The following NRG2 variants were observed in gnomAD, a reference collection of about 807,000 sequenced individuals.
NRG2 encodes the protein pro-neuregulin-2, membrane-bound isoform.
A neutral mutation model predicts 73.9 loss-of-function variants in NRG2; 27 were observed. That is an observed-to-expected ratio of 0.37 (90% confidence interval 0.27 to 0.50). The LOEUF is 0.50. NRG2 is among the 20% of genes least tolerant of loss of function. The pLI is 0.96. For missense variants in NRG2, 1,126 were observed against 1,210.1 expected, an observed-to-expected ratio of 0.93 and a Z score of 1.03; for synonymous variants, 532 against 541.0, an observed-to-expected ratio of 0.98 and a Z score of 0.23.
chr5:140,014,887 T>C (rs1759649211), intron 1 of NRG2, among the ~76,000 whole-genome samples: 1 of 152,230 alleles, frequency 6.6e-6, no homozygotes, highest in Non-Finnish European at 1.5e-5. Flanking sequence ...CAAGGCCCTA[T>C]TTGATCTGGC....
chr5:139,903,034 A>G (rs544299116), intron 1 of NRG2, among the ~76,000 whole-genome samples: 20 of 152,354 alleles, frequency 1.3e-4, no homozygotes, highest in Admixed American at 4.6e-4. Flanking sequence ...GCTCTTCCCA[A>G]TAGAGACCTC....
chr5:139,968,651 G>C (rs1159102457), intron 1 of NRG2, among the ~76,000 whole-genome samples: 1 of 152,202 alleles, frequency 6.6e-6, no homozygotes, highest in African/African-American at 2.4e-5. Context: ...GGAGCTCTCC[G>C]TTCGGCGGCC....
At chr5:139,926,584 G>C (rs1752078212) in intron 1 of NRG2, among the ~76,000 whole-genome samples, 1 of 152,106 alleles carries the variant, frequency 6.6e-6, no homozygotes, top group Non-Finnish European at 1.5e-5. Flanking sequence ...GAATGAGCAG[G>C]GCCCCTGTGC....
intron 1 of NRG2, among the ~76,000 whole-genome samples, chr5:140,028,643 T>C (rs1053183242): frequency 5.9e-5 from 9 of 152,188 alleles, no homozygotes; most frequent in Admixed American, 3.3e-4. Context: ...GGGGAGGTTT[T>C]GGGTGGAGAT....
At chr5:139,942,352 A>G (rs1753463711) in intron 1 of NRG2, among the ~76,000 whole-genome samples, 1 of 152,190 alleles carries the variant, frequency 6.6e-6, no homozygotes, top group South Asian at 2.1e-4. Context: ...TAAACATTTT[A>G]TGTTTTCATA....
At chr5:139,878,787 T>C (rs1384285184) in intron 3 of NRG2, among the ~76,000 whole-genome samples, 3 of 152,208 alleles carry the variant, frequency 2.0e-5, no homozygotes, top group African/African-American at 7.2e-5. Flanking sequence ...ACAGCCCACC[T>C]TCCCAAACTT....
chr5:139,931,336 T>C (rs141177605), intron 1 of NRG2, among the ~76,000 whole-genome samples: 26 of 152,314 alleles, frequency 1.7e-4, no homozygotes, highest in African/African-American at 6.0e-4. Flanking sequence ...TTATGGGATA[T>C]AAATTTAAAC....
intron 1 of NRG2, among the ~76,000 whole-genome samples, chr5:139,965,564 C>T (rs1227650955): frequency 6.6e-6 from 1 of 152,236 alleles, no homozygotes; most frequent in Non-Finnish European, 1.5e-5. Flanking sequence ...CAATGTATAA[C>T]AGGGCCTGAA....
Position 140,042,869 on chromosome 5 carries a change from C to G in NRG2, c.201G>C (p.Pro67=). 6.6e-7 allele frequency: 1 copy of G among 1,507,750 alleles called. No homozygotes were observed. Among genetic ancestry groups the G allele is most frequent in the South Asian group, 1.2e-5 (1 of 81,070 alleles). 93.4% of individuals were successfully genotyped at this position (1,507,750 alleles called of 1,614,324 possible). A position where few individuals can be genotyped will look rare whatever the true frequency, so the allele number is the denominator to read the frequency against. ...SRPAAPPEPR[P]QQQPQPRSPA... is the part of the protein sequence containing the mutation. ...GGCTGCGGGGCTGCGGCTGTTGCTG[C>G]GGCCGCGGCTCTGGGGGCGCAGCGG... The change falls in exon 1 of 10, where the codon CCG becomes CCC. Residue 67 remains proline, a synonymous_variant. Transcript: ENST00000361474.
chr5:139,887,231 A>G lies in NRG2; in HGVS notation c.872+109T>C. On this transcript the variant is annotated intron_variant, in intron 2 of 9. Coordinates refer to ENST00000361474, the MANE Select transcript of NRG2 (RefSeq NM_004883.3). This position sits in a 1 kb window ranked among gnomAD's most constrained non-coding sequence, Gnocchi z 4.5. ...ATGGAGAGGGGCTGGGACTGGTTCC[A>G]TGGGTGAGTCTGGGGGCACAGCCCT... 7.6e-7 allele frequency: 1 copy of G among 1,308,494 alleles called. No homozygotes were observed. The highest frequency in any genetic ancestry group is 1.4e-5 in the African/African-American group (1 of 69,018). 81.1% of individuals were successfully genotyped at this position (1,308,494 alleles called of 1,614,324 possible). A position where few individuals can be genotyped will look rare whatever the true frequency, so the allele number is the denominator to read the frequency against.
intron 1 of NRG2, among the ~76,000 whole-genome samples, chr5:139,945,096 G>A (rs892451443): frequency 1.3e-5 from 2 of 151,554 alleles, no homozygotes; most frequent in African/African-American, 2.4e-5. Flanking sequence ...TTTTTTAATC[G>A]AACTGTATGT....
Position 139,868,372 on chromosome 5 carries a change from G to T in NRG2, c.1113-2747C>A, listed in dbSNP as rs1419543772. On this transcript the variant is annotated intron_variant, in intron 4 of 9. Coordinates refer to ENST00000361474, the MANE Select transcript of NRG2 (RefSeq NM_004883.3). This position sits in a 1 kb window ranked among gnomAD's most constrained non-coding sequence, Gnocchi z 4.2. The stretch of plus-strand genomic sequence containing the variant: ...CATTAGCCTATCAACCAGGTTGGGA[G>T]TCTGAACTCAGCATTGGGGGCTGGG... Among the ~76,000 whole-genome samples, 1 of 152,144 alleles carries T rather than the reference G, an allele frequency of 6.6e-6. No individual in the cohort carries two copies. The highest frequency in any genetic ancestry group is 1.5e-5 in the Non-Finnish European group (1 of 68,018).
At chr5:139,890,473 C>CT (rs11288649) in intron 1 of NRG2, among the ~76,000 whole-genome samples, 58 of 106,032 alleles carry the variant, frequency 5.5e-4, no homozygotes, top group East Asian at 5.4e-3. Flanking sequence ...TTCTTTCTTT[C>CT]TTTTTTTTTT....
At chr5:139,980,506 G>T (rs1756717120) in intron 1 of NRG2, among the ~76,000 whole-genome samples, 1 of 152,142 alleles carries the variant, frequency 6.6e-6, no homozygotes, top group Non-Finnish European at 1.5e-5. Context: ...CTTTCAGCGT[G>T]TACCCTCCAA....
chr5:139,940,204 G>A (rs888317627), intron 1 of NRG2, among the ~76,000 whole-genome samples: 7 of 152,234 alleles, frequency 4.6e-5, no homozygotes, highest in African/African-American at 1.7e-4. Flanking sequence ...AAATGTCCAA[G>A]ATGGGAATGG....
chr5:139,869,415 C>G lies in NRG2; in HGVS notation c.1112+2306G>C, dbSNP rs1198659229. 6.6e-6 allele frequency: 1 copy of G among 152,228 alleles called. No homozygotes were observed. The highest frequency in any genetic ancestry group is 6.5e-5 in the Admixed American group (1 of 15,284). The allele number at this position is 152,228 out of a possible 1,614,324, so 9.4% of individuals were successfully genotyped here. ...TGAGTTCCGTTTCCTAAGTTCTTTC[C>G]TTTTTATTCCATTCAGGTGTCATCA... On this transcript the variant is annotated intron_variant, in intron 4 of 9. Coordinates refer to ENST00000361474, the MANE Select transcript of NRG2 (RefSeq NM_004883.3). This position sits in a 1 kb window ranked among gnomAD's most constrained non-coding sequence, Gnocchi z 4.5.
At chr5:139,978,695 T>G (rs1370088357) in intron 1 of NRG2, among the ~76,000 whole-genome samples, 1 of 152,248 alleles carries the variant, frequency 6.6e-6, no homozygotes, top group African/African-American at 2.4e-5. Flanking sequence ...CATGTATGTT[T>G]ATTGTGGCAC....
At chr5:139,866,846 A>G (rs1762499305) in intron 4 of NRG2, among the ~76,000 whole-genome samples, 1 of 152,142 alleles carries the variant, frequency 6.6e-6, no homozygotes, top group Admixed American at 6.5e-5. Context: ...AGTCTTGCAA[A>G]TTTCTGGAGG....
chr5:139,977,036 G>C (rs1248466536), intron 1 of NRG2, among the ~76,000 whole-genome samples: 1 of 152,136 alleles, frequency 6.6e-6, no homozygotes, highest in African/African-American at 2.4e-5. Context: ...TCAAATGAAT[G>C]GATCGCCCAG....
Sources: gnomAD v4.1 joint callset for allele counts (sites outside exome capture counted in the v4.1 genomes callset) on GRCh38, gnomAD v4.1.1 for gene constraint, Gnocchi (gnomAD v3.1) non-coding constraint, MANE v1.5 for transcripts, NCBI Gene and HGNC (gene_info 2026-07-23, HGNC 2026-07-21) for gene names.